DPYSL2: variants seen among roughly 807,000 people sequenced by gnomAD.
DPYSL2 encodes the protein dihydropyrimidinase like 2, also known as dihydropyrimidinase-related protein 2.
DPYSL2 carries 13 observed loss-of-function variants against 69.9 expected under a neutral mutation model. That is an observed-to-expected ratio of 0.19 (90% CI 0.12 to 0.30). DPYSL2 has a LOEUF of 0.30. DPYSL2 is among the 10% of genes least tolerant of loss of function. The pLI, the probability that DPYSL2 is intolerant of heterozygous loss-of-function variation, is 1.00. For missense variants in DPYSL2, 587 were observed against 918.9 expected (o/e 0.64, Z 4.67); for synonymous variants, 326 against 359.1 (o/e 0.91, Z 1.04).
At chr8:26,616,297 C>T (rs1178789709) in intron 3 of DPYSL2, among the ~76,000 whole-genome samples, 1 of 152,126 alleles carries the variant, frequency 6.6e-6, no homozygotes, top group African/African-American at 2.4e-5. Flanking sequence ...AACTGCCAAG[C>T]ACAACCCACA....
intron 1 of DPYSL2, among the ~76,000 whole-genome samples, chr8:26,545,970 G>A (rs1004664621): frequency 3.3e-5 from 5 of 152,054 alleles, no homozygotes; most frequent in African/African-American, 1.2e-4. Flanking sequence ...CCTATTCTGG[G>A]TCTTTTGGCT....
chr8:26,606,247 G>A (rs1802104373), intron 3 of DPYSL2, among the ~76,000 whole-genome samples: 1 of 152,024 alleles, frequency 6.6e-6, no homozygotes, highest in Non-Finnish European at 1.5e-5. Context: ...TAACTATTTT[G>A]AAAACCAAAG....
At position 26,605,688 on chromosome 8, in the gene DPYSL2, C is replaced by T. The variant is rs1802092957; in HGVS notation, c.629-18455C>T. Among the ~76,000 whole-genome samples the T allele has an allele frequency of 6.6e-6, 1 of 152,094 alleles. No individual in the cohort carries two copies. The highest frequency in any genetic ancestry group is 2.4e-5 in the African/African-American group (1 of 41,390). On this transcript the variant is annotated intron_variant, in intron 3 of 13. Coordinates refer to ENST00000521913, the MANE Select transcript of DPYSL2 (RefSeq NM_001197293.3). The surrounding 1 kb of genome is among the most constrained non-coding windows in gnomAD (Gnocchi z 4.1). ...AAAAATTAATAGCTTCCCTGTATGTCATAAATAACCAATCAGAAAACATAA... is the reference window on the plus strand; with the variant it reads ...AAAAATTAATAGCTTCCCTGTATGTTATAAATAACCAATCAGAAAACATAA...
intron 1 of DPYSL2, among the ~76,000 whole-genome samples, chr8:26,551,390 A>G (rs1224077727): frequency 5.9e-5 from 9 of 152,234 alleles, no homozygotes; most frequent in Admixed American, 5.2e-4. Flanking sequence ...AGATATAACA[A>G]TCTTTACTGT....
At chr8:26,524,835 A>AAAAAAGAG (rs1563374151) in intron 1 of DPYSL2, among the ~76,000 whole-genome samples, 15 of 74,224 alleles carry the variant, frequency 2.0e-4, no homozygotes, top group African/African-American at 4.3e-4. Flanking sequence ...AAAAAAAAAA[A>AAAAAAGAG]AGAGAGAGAA....
At chr8:26,557,730 A>G (rs1326308555) in intron 1 of DPYSL2, among the ~76,000 whole-genome samples, 4 of 150,684 alleles carry the variant, frequency 2.7e-5, no homozygotes, top group Admixed American at 1.3e-4. Flanking sequence ...TGGAGGTTGT[A>G]GTGAGCCAAG....
At chr8:26,540,529 G>A (rs538053092) in intron 1 of DPYSL2, among the ~76,000 whole-genome samples, 2 of 152,286 alleles carry the variant, frequency 1.3e-5, no homozygotes, top group South Asian at 2.1e-4. Flanking sequence ...TCCCCAAATA[G>A]GATCAACCAC....
chr8:26,627,412 G>GCTT lies in DPYSL2; in HGVS notation c.936+117_936+118insCTT. On this transcript the variant is annotated intron_variant, in intron 6 of 13. Coordinates refer to ENST00000521913, the MANE Select transcript of DPYSL2 (RefSeq NM_001197293.3). The surrounding 1 kb of genome is among the most constrained non-coding windows in gnomAD (Gnocchi z 6.9). The stretch of plus-strand genomic sequence containing the variant: ...AGGTGGAAAAGCAGAGGGACCTGGT[G>GCTT]TTCCCTTGCTGGAGCTCTGCTCAGT... The GCTT allele has an allele frequency of 9.3e-7, 1 of 1,077,848 alleles. No individual in the cohort carries two copies. Among genetic ancestry groups the GCTT allele is most frequent in the Non-Finnish European group, 1.4e-6 (1 of 717,894 alleles). 66.8% of individuals were successfully genotyped at this position (1,077,848 alleles called of 1,614,324 possible). A position where few individuals can be genotyped will look rare whatever the true frequency, so the allele number is the denominator to read the frequency against.
In DPYSL2 at chr8:26,516,403, G is replaced by A. The variant is rs1012989749; in HGVS notation, c.354+1724G>A. Among the ~76,000 whole-genome samples, 1 of 152,164 alleles carries A rather than the reference G, an allele frequency of 6.6e-6. No individual in the cohort carries two copies. ...GCCTCATGCATGGCGAGTTGTGCTG[G>A]TGATTGTGATGTCCTAGAGAAAGCA... On this transcript the variant is annotated intron_variant, in intron 1 of 13. Transcript: ENST00000521913. The surrounding 1 kb of genome is among the most constrained non-coding windows in gnomAD (Gnocchi z 4.8).
chr8:26,572,221 C>G (rs762417130), intron 1 of DPYSL2, among the ~76,000 whole-genome samples: 2 of 152,242 alleles, frequency 1.3e-5, no homozygotes, highest in Non-Finnish European at 2.9e-5. Flanking sequence ...AATGGCTACT[C>G]TAGCTCCCCA....
At chr8:26,552,385 A>C (rs1800885503) in intron 1 of DPYSL2, among the ~76,000 whole-genome samples, 1 of 152,226 alleles carries the variant, frequency 6.6e-6, no homozygotes, top group Non-Finnish European at 1.5e-5. Context: ...AGAAATAATA[A>C]TAATTAGAGC....
At chr8:26,550,772 T>G (rs1800861886) in intron 1 of DPYSL2, among the ~76,000 whole-genome samples, 1 of 152,148 alleles carries the variant, frequency 6.6e-6, no homozygotes. Context: ...GCTGGCTCAG[T>G]GCAAGTCTGA....
At chr8:26,559,082 A>G (rs1489399356) in intron 1 of DPYSL2, among the ~76,000 whole-genome samples, 2 of 152,100 alleles carry the variant, frequency 1.3e-5, no homozygotes, top group African/African-American at 4.8e-5. Context: ...AACTGGGACT[A>G]CAAGCGCACG....
chr8:26,624,420 C>A lies in DPYSL2; in HGVS notation c.793+113C>A. 1.5e-6 allele frequency: 2 copies of A among 1,335,594 alleles called. No homozygotes were observed. Among genetic ancestry groups the A allele is most frequent in the Non-Finnish European group, 2.1e-6 (2 of 968,774 alleles). 82.7% of individuals were successfully genotyped at this position (1,335,594 alleles called of 1,614,324 possible). A position where few individuals can be genotyped will look rare whatever the true frequency, so the allele number is the denominator to read the frequency against. On this transcript the variant is annotated intron_variant, in intron 4 of 13. Transcript: ENST00000521913. The surrounding 1 kb of genome is among the most constrained non-coding windows in gnomAD (Gnocchi z 4.7). ...TCCAGATCCCATTTGTGCCTCATGC[C>A]CATGCCTGCCCCTGGGAAGGAGAGA...
At chr8:26,603,488 T>C (rs1802040470) in intron 3 of DPYSL2, among the ~76,000 whole-genome samples, 1 of 152,212 alleles carries the variant, frequency 6.6e-6, no homozygotes, top group Non-Finnish European at 1.5e-5. Flanking sequence ...CTTTATTTTA[T>C]AGTGGTAGCA....
intron 8 of DPYSL2, among the ~76,000 whole-genome samples, chr8:26,636,733 TTTTTAATTTA>T (rs1563421336): frequency 6.6e-6 from 1 of 152,070 alleles, no homozygotes; most frequent in Non-Finnish European, 1.5e-5. Context: ...GTTGTTGTTT[TTTTTAATTTA>T]TTTTATTTTA....
At chr8:26,553,691 G>T (rs1800902594) in intron 1 of DPYSL2, among the ~76,000 whole-genome samples, 3 of 152,114 alleles carry the variant, frequency 2.0e-5, no homozygotes, top group Admixed American at 6.5e-5. Flanking sequence ...ATATACACAT[G>T]CATGTGTCTT....
Position 26,587,654 on chromosome 8 carries a change from G to A in DPYSL2, c.628+3671G>A, listed in dbSNP as rs561617375. On this transcript the variant is annotated intron_variant, in intron 3 of 13. Transcript: ENST00000521913. The surrounding 1 kb of genome is among the most constrained non-coding windows in gnomAD (Gnocchi z 4.2). ...TCACACAATGAGATCTTTATGAGGC[G>A]GACTCAGTGTGGAGCAGGGGGAACG... is the stretch of plus-strand genomic sequence containing the variant. Among the ~76,000 whole-genome samples the A allele has an allele frequency of 2.9e-4, 44 of 152,334 alleles. No individual in the cohort carries two copies. The highest frequency in any genetic ancestry group is 3.4e-3 in the Middle Eastern group (1 of 294).
At chr8:26,577,204 T>C (rs1200537773) in intron 1 of DPYSL2, 2 of 432,716 alleles carry the variant, frequency 4.6e-6, no homozygotes, top group Non-Finnish European at 9.2e-6. Context: ...ATCCCGTCTC[T>C]GCAGCCTCCC....
Sources: gnomAD v4.1 joint callset for allele counts (sites outside exome capture counted in the v4.1 genomes callset) on GRCh38, gnomAD v4.1.1 for gene constraint, Gnocchi (gnomAD v3.1) non-coding constraint, MANE v1.5 for transcripts, NCBI Gene and HGNC (gene_info 2026-07-23, HGNC 2026-07-21) for gene names.